PEBP4: variants seen among roughly 807,000 people sequenced by gnomAD.
PEBP4 encodes phosphatidylethanolamine binding protein 4, also known as phosphatidylethanolamine-binding protein 4.
A neutral mutation model predicts 23.9 loss-of-function variants in PEBP4; 22 were observed. The observed-to-expected ratio is 0.92, with a 90% CI of 0.66 to 1.31. The LOEUF is 1.31. PEBP4 is among the 40% of genes most tolerant of loss of function. PEBP4 has a pLI of 0.00. For missense variants in PEBP4, 324 were observed against 281.7 expected (o/e 1.15, Z -1.07); for synonymous variants, 112 against 99.3 (o/e 1.13, Z -0.76).
intron 3 of PEBP4, among the ~76,000 whole-genome samples, chr8:22,901,384 T>C (rs1337854182): frequency 2.0e-5 from 3 of 152,154 alleles, no homozygotes; most frequent in African/African-American, 7.2e-5. Context: ...GTCCTAGGCC[T>C]CGGGGATTCA....
chr8:22,766,455 A>T (rs989118548), intron 4 of PEBP4, among the ~76,000 whole-genome samples: 1 of 152,242 alleles, frequency 6.6e-6, no homozygotes, highest in Admixed American at 6.5e-5. Context: ...GACTGAAATA[A>T]TGCACATAAG....
chr8:22,843,382 C>T (rs547286635), intron 3 of PEBP4, among the ~76,000 whole-genome samples: 1 of 152,288 alleles, frequency 6.6e-6, no homozygotes, highest in African/African-American at 2.4e-5. Flanking sequence ...AAAGGCCAAT[C>T]GAGGCAGCTG....
chr8:22,798,733 T>TTC (rs1806319249), intron 4 of PEBP4: 2 of 112,588 alleles, frequency 1.8e-5, no homozygotes, highest in African/African-American at 4.9e-5. Context: ...TTTTTCTTTT[T>TTC]TTTTTTTTTT....
At chr8:22,771,096 T>A (rs931711938) in intron 4 of PEBP4, among the ~76,000 whole-genome samples, 5 of 152,240 alleles carry the variant, frequency 3.3e-5, no homozygotes, top group African/African-American at 1.2e-4. Flanking sequence ...CACTGAATAG[T>A]GTAAGCTGAC....
chr8:22,715,547 A>T (rs1804399128), intron 6 of PEBP4, among the ~76,000 whole-genome samples: 1 of 152,196 alleles, frequency 6.6e-6, no homozygotes, highest in Non-Finnish European at 1.5e-5. Context: ...CAGGAAGGGA[A>T]TTGAAACCCA....
At chr8:22,821,173 T>C (rs1052077530) in intron 3 of PEBP4, among the ~76,000 whole-genome samples, 1 of 151,884 alleles carries the variant, frequency 6.6e-6, no homozygotes, top group Non-Finnish European at 1.5e-5. Context: ...GATGACAGAG[T>C]GAGACCCTGT....
intron 3 of PEBP4, among the ~76,000 whole-genome samples, chr8:22,843,276 C>T (rs1411501452): frequency 6.6e-6 from 1 of 152,170 alleles, no homozygotes; most frequent in African/African-American, 2.4e-5. Context: ...CCCTGCAATT[C>T]TATTTTGTGC....
chr8:22,887,563 G>A (rs1231656472), intron 3 of PEBP4: 6 of 170 alleles, frequency 0.035, no homozygotes, highest in African/African-American at 0.13. Context: ...CCCAGGAGTT[G>A]AGACCAGCCT....
intron 5 of PEBP4, among the ~76,000 whole-genome samples, chr8:22,725,911 C>A (rs141845601): frequency 6.6e-6 from 1 of 152,258 alleles, no homozygotes; most frequent in African/African-American, 2.4e-5. Context: ...TGTGCACTTC[C>A]GGCCACTGGT....
intron 4 of PEBP4, chr8:22,758,205 G>C (rs1805431845): frequency 2.6e-5 from 4 of 152,258 alleles, no homozygotes; most frequent in Middle Eastern, 3.4e-3. Context: ...TTTGAAGCTG[G>C]TGGGTCACAT....
chr8:22,793,005 A>G (rs141696162), intron 4 of PEBP4, among the ~76,000 whole-genome samples: 5 of 152,340 alleles, frequency 3.3e-5, no homozygotes, highest in African/African-American at 1.2e-4. Flanking sequence ...TTAAAATTGG[A>G]TTACAAAATT....
intron 3 of PEBP4, among the ~76,000 whole-genome samples, chr8:22,820,233 G>A (rs1034664189): frequency 4.6e-5 from 7 of 152,224 alleles, no homozygotes; most frequent in African/African-American, 1.4e-4. Flanking sequence ...AAAAAGGTGT[G>A]AGATAGTCAT....
intron 3 of PEBP4, among the ~76,000 whole-genome samples, chr8:22,834,109 C>T (rs1807149289): frequency 6.6e-6 from 1 of 152,210 alleles, no homozygotes; most frequent in African/African-American, 2.4e-5. Context: ...GGGGATCCAG[C>T]ACCCAATTGA....
At chr8:22,726,267 G>C (rs1434367226) in intron 5 of PEBP4, among the ~76,000 whole-genome samples, 1 of 152,172 alleles carries the variant, frequency 6.6e-6, no homozygotes, top group Admixed American at 6.5e-5. Context: ...GAGTCTCCTC[G>C]TGTGCTTAGG....
rs929208969 is a variant in PEBP4, at chr8:22,902,071, C to A, written c.258+18113G>T. Among the ~76,000 whole-genome samples, 3 of 152,172 alleles carry A rather than the reference C, an allele frequency of 2.0e-5. No homozygotes were observed. In the South Asian group the frequency reaches 6.2e-4, roughly 31 times the overall value. ...CAGTGGCTCATGCCTGTAATCCCAG[C>A]ACTTTGGGAGGCTGAGGCGGGTGGA... On this transcript the variant is annotated intron_variant, in intron 3 of 6. Transcript: ENST00000256404.
intron 3 of PEBP4, among the ~76,000 whole-genome samples, chr8:22,889,422 A>T (rs998203063): frequency 6.6e-6 from 1 of 152,198 alleles, no homozygotes; most frequent in Admixed American, 6.5e-5. Context: ...CCTTCAGAAG[A>T]TGCTACCCTG....
At chr8:22,844,504 G>T (rs149225452) in intron 3 of PEBP4, among the ~76,000 whole-genome samples, 1 of 152,192 alleles carries the variant, frequency 6.6e-6, no homozygotes, top group Non-Finnish European at 1.5e-5. Flanking sequence ...CTCCCAAAGT[G>T]CTGGGATTAC....
At position 22,809,246 on chromosome 8, in the gene PEBP4, G is replaced by A. The variant is rs544801674; in HGVS notation, c.357+8391C>T. 1.0e-3 allele frequency among the ~76,000 whole-genome samples: 156 copies of A among 152,214 alleles called. 1 individual carries two copies. Among genetic ancestry groups the A allele is most frequent in the African/African-American group, 3.5e-3 (146 of 41,522 alleles). ...GACTTTAGTTTCCTCTTATACAGAC[G>A]AGGAAACAGATTCAGGGAGGTAAAC... On this transcript the variant is annotated intron_variant, in intron 4 of 6. Transcript: ENST00000256404.
intron 3 of PEBP4, among the ~76,000 whole-genome samples, chr8:22,871,894 T>C (rs1414268524): frequency 6.6e-6 from 1 of 152,126 alleles, no homozygotes; most frequent in Non-Finnish European, 1.5e-5. Flanking sequence ...AAGTAGTGTA[T>C]GCTGTACCCA....
Sources: gnomAD v4.1 joint callset for allele counts (sites outside exome capture counted in the v4.1 genomes callset) on GRCh38, gnomAD v4.1.1 for gene constraint, MANE v1.5 for transcripts, NCBI Gene and HGNC (gene_info 2026-07-23, HGNC 2026-07-21) for gene names.